The following GABRB2 variants were observed in gnomAD, a reference collection of about 807,000 sequenced individuals.
GABRB2 encodes the protein gamma-aminobutyric acid type A receptor subunit beta2, also known as gamma-aminobutyric acid receptor subunit beta-2.
A neutral mutation model predicts 54.7 loss-of-function variants in GABRB2; 16 were observed. That is an observed-to-expected ratio of 0.29 (90% CI 0.20 to 0.44). The LOEUF is 0.44. Among genes scored for constraint, GABRB2 ranks in the 20% least tolerant of loss-of-function variants. The pLI, the probability that GABRB2 is intolerant of heterozygous loss-of-function variation, is 1.00. For missense variants in GABRB2, 355 were observed against 644.0 expected (o/e 0.55, Z 4.86); for synonymous variants, 244 against 233.8 (o/e 1.04, Z -0.40).
chr5:161,405,893 AGCC>A (rs1756336295), intron 5 of GABRB2, among the ~76,000 whole-genome samples: 1 of 152,082 alleles, frequency 6.6e-6, no homozygotes, highest in Non-Finnish European at 1.5e-5. Context: ...AAGAAAATAC[AGCC>A]TTTATTCCAT....
chr5:161,321,510 C>T (rs1349479171), intron 9 of GABRB2, among the ~76,000 whole-genome samples: 2 of 152,144 alleles, frequency 1.3e-5, no homozygotes, highest in Admixed American at 6.5e-5. Context: ...CTAACTTTGA[C>T]GACATTTTAC....
chr5:161,305,998 T>A (rs1171326271), intron 9 of GABRB2, among the ~76,000 whole-genome samples: 2 of 152,200 alleles, frequency 1.3e-5, no homozygotes, highest in Admixed American at 6.5e-5. Context: ...GTAGTAAATG[T>A]GAAAGTGGAT....
intron 3 of GABRB2, among the ~76,000 whole-genome samples, chr5:161,514,151 A>C (rs1350013595): frequency 6.6e-6 from 1 of 152,148 alleles, no homozygotes; most frequent in Non-Finnish European, 1.5e-5. Context: ...ATCACCTGAC[A>C]CTTTTGCTTA....
At chr5:161,336,966 C>T (rs1754012998) in intron 5 of GABRB2, among the ~76,000 whole-genome samples, 197 bp from the exon 6 acceptor site, 1 of 152,058 alleles carries the variant, frequency 6.6e-6, no homozygotes, top group Admixed American at 6.6e-5. Context: ...ATGACGATCT[C>T]ATTAGGGTAG....
At chr5:161,482,681 A>G (rs1232082475) in intron 3 of GABRB2, among the ~76,000 whole-genome samples, 1 of 152,124 alleles carries the variant, frequency 6.6e-6, no homozygotes, top group Non-Finnish European at 1.5e-5. Flanking sequence ...ATAGTTATCC[A>G]AAGATGCCCC....
intron 5 of GABRB2, among the ~76,000 whole-genome samples, chr5:161,368,777 G>C (rs2962399): frequency 0.7 from 106,575 of 151,532 alleles, 38,753 homozygotes; most frequent in South Asian, 0.81. Context: ...AAGGAAAGAA[G>C]CTGAGGCATT....
At chr5:161,475,342 C>T (rs780246152) in intron 3 of GABRB2, among the ~76,000 whole-genome samples, 2 of 151,860 alleles carry the variant, frequency 1.3e-5, no homozygotes, top group Admixed American at 6.6e-5. Flanking sequence ...TATTATTCCT[C>T]ACCTTACAGT....
intron 3 of GABRB2, among the ~76,000 whole-genome samples, chr5:161,515,612 G>A (rs1210264386): frequency 1.3e-5 from 2 of 152,046 alleles, no homozygotes; most frequent in Non-Finnish European, 2.9e-5. Flanking sequence ...CCATGCAAAC[G>A]TATTATCTAA....
chr5:161,358,329 C>T (rs1466595360), intron 5 of GABRB2, among the ~76,000 whole-genome samples: 1 of 151,708 alleles, frequency 6.6e-6, no homozygotes, highest in Non-Finnish European at 1.5e-5. Context: ...CCAAGATGAA[C>T]ACAATTTGGG....
intron 3 of GABRB2, among the ~76,000 whole-genome samples, chr5:161,480,495 T>C (rs1758730917): frequency 6.6e-6 from 1 of 151,996 alleles, no homozygotes; most frequent in Non-Finnish European, 1.5e-5. Flanking sequence ...GGGGATGATG[T>C]TTACAAAGTA....
intron 4 of GABRB2, among the ~76,000 whole-genome samples, chr5:161,413,085 A>G (rs944797807): frequency 6.6e-6 from 1 of 152,080 alleles, no homozygotes; most frequent in African/African-American, 2.4e-5. Context: ...TTTTATAAGA[A>G]TCTGTCTTCC....
chr5:161,324,086 G>A (rs1351306529), intron 9 of GABRB2, among the ~76,000 whole-genome samples: 1 of 151,964 alleles, frequency 6.6e-6, no homozygotes, highest in African/African-American at 2.4e-5. Flanking sequence ...AATGAATTAT[G>A]GCATGCACAT....
chr5:161,336,973 G>A (rs762743254), intron 5 of GABRB2, among the ~76,000 whole-genome samples: 2 of 152,020 alleles, frequency 1.3e-5, no homozygotes, highest in East Asian at 3.9e-4. Flanking sequence ...TCTCATTAGG[G>A]TAGTATAATT....
intron 7 of GABRB2, among the ~76,000 whole-genome samples, chr5:161,333,125 A>G (rs1278670076): frequency 6.6e-6 from 1 of 152,324 alleles, no homozygotes; most frequent in Admixed American, 6.5e-5. Context: ...CATTTTAAAA[A>G]TGTCTTCTAA....
intron 3 of GABRB2, among the ~76,000 whole-genome samples, chr5:161,501,481 A>G (rs1219718178): frequency 6.6e-6 from 1 of 152,070 alleles, no homozygotes; most frequent in Non-Finnish European, 1.5e-5. Flanking sequence ...TTCCCTTTTG[A>G]CAGTTTAAAA....
chr5:161,386,882 A>T (rs899078822), intron 5 of GABRB2, among the ~76,000 whole-genome samples: 2 of 151,948 alleles, frequency 1.3e-5, no homozygotes, highest in Non-Finnish European at 2.9e-5. Flanking sequence ...GAAACACAAA[A>T]CCTAGAAGTC....
In GABRB2 at chr5:161,326,441, C is replaced by A; in HGVS notation, c.1118G>T (p.Arg373Leu). ...GTTTCCAGTAGGGTCCCACAAGGAT[C>A]GATATTGGGTCCCATTTTGTTTAAT... is the stretch of plus-strand genomic sequence containing the variant. ...KDIKQNGTQY[R>L]SLWDPTGNLS... The change falls in exon 9 of 10, where the codon CGA becomes CTA. Residue 373 changes from arginine to leucine, a missense_variant. Around this residue, in one of 6 missense-constraint regions of GABRB2, gnomAD observed 201 missense variants for 228.1 expected, o/e 0.88. Coordinates refer to ENST00000393959, the MANE Select transcript of GABRB2 (RefSeq NM_001371727.1). 1 of 1,613,384 alleles carries A rather than the reference C, an allele frequency of 6.2e-7. No homozygotes were observed. The highest frequency in any genetic ancestry group is 1.1e-5 in the South Asian group (1 of 91,036).
In GABRB2 at chr5:161,385,948, GTGTGTGTGTGTGTGTGT is replaced by G. The variant is rs1755616431; in HGVS notation, c.541+25010_541+25026del. ...TTTAGTAACTGTTACCTATTGTCTG[GTGTGTGTGTGTGTGTGT>G]GTGTGTGTGTGTGTGTGTGTGTGTG... On this transcript the variant is annotated intron_variant, in intron 5 of 9. Transcript: ENST00000393959. Among the ~76,000 whole-genome samples, 672 of 108,340 alleles carry G rather than the reference GTGTGTGTGTGTGTGTGT, an allele frequency of 6.2e-3. 9 individuals carry two copies. Among genetic ancestry groups the G allele is most frequent in the African/African-American group, 0.022 (584 of 27,140 alleles). 71.1% of individuals were successfully genotyped at this position (108,340 alleles called of 152,430 possible).
chr5:161,425,957 T>A (rs1161748129), intron 4 of GABRB2, among the ~76,000 whole-genome samples: 1 of 152,158 alleles, frequency 6.6e-6, no homozygotes, highest in Non-Finnish European at 1.5e-5. Context: ...ATATCAAGGA[T>A]CTCTCACATG....
Sources: allele counts gnomAD v4.1 joint callset (sites outside exome capture counted in the v4.1 genomes callset), GRCh38; gene constraint gnomAD v4.1.1; regional missense constraint gnomAD v4.1.1; transcripts MANE v1.5; gene names NCBI Gene and HGNC (gene_info 2026-07-23, HGNC 2026-07-21).